Variants in ALG9 observed in about 807,000 individuals in gnomAD.
ALG9 encodes ALG9 alpha-1,2-mannosyltransferase, also known as alpha-1,2-mannosyltransferase ALG9.
A neutral mutation model predicts 81.8 loss-of-function variants in ALG9; 55 were observed. That is an observed-to-expected ratio of 0.67 (90% CI 0.54 to 0.84). The LOEUF (loss-of-function observed/expected upper bound fraction) is 0.84. ALG9 is among the 40% of genes least tolerant of loss of function. The probability of loss-of-function intolerance (pLI) is 0.00; values close to 1 mark genes in which losing one functional copy is unlikely to be tolerated. For synonymous variants in ALG9, 278 were observed against 274.3 expected (o/e 1.01, Z -0.13); for missense variants, 629 against 745.0 (o/e 0.84, Z 1.81).
intron 14 of ALG9, among the ~76,000 whole-genome samples, chr11:111,802,294 TA>T (rs1337172786): frequency 6.6e-6 from 1 of 152,240 alleles, no homozygotes; most frequent in African/African-American, 2.4e-5. Context: ...CCAAAAAGTA[TA>T]AATGATTGAA....
At chr11:111,810,301 G>A (rs1340101679) in intron 13 of ALG9, among the ~76,000 whole-genome samples, 16 of 152,250 alleles carry the variant, frequency 1.1e-4, no homozygotes, top group East Asian at 9.6e-4. Flanking sequence ...CTCCTGCAGC[G>A]AAAGTTTAGT....
At chr11:111,871,232 G>C (rs1165659183) in intron 1 of ALG9, 120 bp downstream of exon 1, 32 of 1,312,244 alleles carry the variant, frequency 2.4e-5, no homozygotes, top group South Asian at 4.5e-5. Flanking sequence ...GAGGGAGCTC[G>C]GGCCTCCCGC....
At chr11:111,805,086 ACACT>A in intron 14 of ALG9, 1 of 338,544 alleles carries the variant, frequency 3.0e-6, no homozygotes, top group South Asian at 2.3e-5. Context: ...TGAAGTCTAA[ACACT>A]CACCTATGTG....
intron 9 of ALG9, among the ~76,000 whole-genome samples, chr11:111,841,309 A>G (rs1555123568): frequency 6.6e-6 from 1 of 152,198 alleles, no homozygotes; most frequent in African/African-American, 2.4e-5. Context: ...GGATTCTCAA[A>G]TTCATTACTG....
At chr11:111,803,503 G>GA (rs57411573) in intron 14 of ALG9, among the ~76,000 whole-genome samples, 23 of 133,338 alleles carry the variant, frequency 1.7e-4, no homozygotes, top group Non-Finnish European at 2.2e-4. Context: ...TCCATCTCAG[G>GA]AAAAAAAAAA....
At chr11:111,773,525 G>A in the ALG9 span, among the ~76,000 whole-genome samples, 6 of 151,532 alleles carry the variant, frequency 4.0e-5, no homozygotes, top group South Asian at 4.2e-4. Context: ...GATTATGGGC[G>A]TCACAAGGGT....
chr11:111,795,984 A>G (rs1555075084), intron 14 of ALG9, among the ~76,000 whole-genome samples: 1 of 152,166 alleles, frequency 6.6e-6, no homozygotes, highest in Non-Finnish European at 1.5e-5. Flanking sequence ...AATGTTCGAG[A>G]GAGTTTTCGT....
At chr11:111,826,815 T>G (rs1555108966) in intron 13 of ALG9, among the ~76,000 whole-genome samples, 1 of 152,170 alleles carries the variant, frequency 6.6e-6, no homozygotes, top group Non-Finnish European at 1.5e-5. Context: ...TCTCATCTGT[T>G]TTCTCTTTCT....
At chr11:111,813,793 T>TA (rs1318645856) in intron 13 of ALG9, among the ~76,000 whole-genome samples, 1 of 151,686 alleles carries the variant, frequency 6.6e-6, no homozygotes, top group Non-Finnish European at 1.5e-5. Flanking sequence ...AAAACCACAA[T>TA]AAAAAAAATT....
In ALG9 at chr11:111,839,605, G is replaced by A. The variant is rs573983747; in HGVS notation, c.1173+1050C>T. Among the ~76,000 whole-genome samples the A allele has an allele frequency of 6.8e-3, 920 of 134,688 alleles. 24 individuals are homozygous for A. The highest frequency in any genetic ancestry group is 0.023 in the African/African-American group (860 of 37,206). 88.4% of individuals were successfully genotyped at this position (134,688 alleles called of 152,430 possible). On this transcript the variant is annotated intron_variant, in intron 10 of 14. Transcript: ENST00000616540. ...TTCCGTCTCAAAAAAAAAAAAAGGG[G>A]GGGGGGGATATAAAGTTACATGTAT...
chr11:111,797,220 TGAG>T (rs1948429130), intron 14 of ALG9, among the ~76,000 whole-genome samples: 1 of 152,162 alleles, frequency 6.6e-6, no homozygotes, highest in Non-Finnish European at 1.5e-5. Context: ...ACAAACAGAA[TGAG>T]GAGGAAGTGA....
At chr11:111,800,797 T>C (rs1555079858) in intron 14 of ALG9, among the ~76,000 whole-genome samples, 1 of 152,212 alleles carries the variant, frequency 6.6e-6, no homozygotes, top group Non-Finnish European at 1.5e-5. Flanking sequence ...TGTCTACCTA[T>C]GATTTATCAT....
In ALG9 at chr11:111,871,420, G is replaced by A. The variant is rs1555158958; in HGVS notation, c.63C>T (p.Ala21=). The change falls in exon 1 of 15, where the codon GCC becomes GCT. Residue 21 remains alanine (A), a synonymous_variant. Coordinates refer to ENST00000616540, the MANE Select transcript of ALG9 (RefSeq NM_024740.2). ...GCTCCCGCAGCTTGTCCGCAGCCGG[G>A]GCCGTATCCCCACTGCTGGCCCCGC... is the stretch of plus-strand genomic sequence containing the variant. ...KGSGASSGDT[A]PAADKLRELL... 9 of 1,536,058 alleles carry A rather than the reference G, an allele frequency of 5.9e-6. No homozygotes were observed. In the South Asian group the frequency reaches 1.1e-4, roughly 18 times the overall value.
At chr11:111,839,319 C>T (rs1167634927) in intron 10 of ALG9, among the ~76,000 whole-genome samples, 1 of 152,062 alleles carries the variant, frequency 6.6e-6, no homozygotes, top group African/African-American at 2.4e-5. Context: ...GGTGCGGTGG[C>T]TCACGCCTGT....
chr11:111,837,759 C>T (rs1955557837), intron 11 of ALG9, 144 bp from the exon 12 acceptor site: 2 of 932,984 alleles, frequency 2.1e-6, no homozygotes, highest in East Asian at 2.6e-5. Flanking sequence ...ATGAAGCCTG[C>T]TCTGCAGGTA....
chr11:111,808,851 T>A (rs1351946226), intron 14 of ALG9, among the ~76,000 whole-genome samples: 2 of 152,166 alleles, frequency 1.3e-5, no homozygotes, highest in Admixed American at 6.5e-5. Context: ...TACTCCCTTA[T>A]CTGAATGCCT....
chr11:111,837,808 G>T (rs1555119093), intron 11 of ALG9, among the ~76,000 whole-genome samples, 193 bp from the exon 12 acceptor site: 3 of 152,168 alleles, frequency 2.0e-5, no homozygotes, highest in African/African-American at 7.2e-5. Flanking sequence ...TTACAGCAGA[G>T]GCCCTATTCT....
At chr11:111,841,920 G>T (rs1199635127) in intron 9 of ALG9, among the ~76,000 whole-genome samples, 1 of 152,084 alleles carries the variant, frequency 6.6e-6, no homozygotes, top group Middle Eastern at 3.4e-3. Context: ...TTTCTGAGAC[G>T]GAGTCTCTCT....
At chr11:111,794,400 C>A (rs1947922542) in intron 14 of ALG9, among the ~76,000 whole-genome samples, 1 of 152,200 alleles carries the variant, frequency 6.6e-6, no homozygotes, top group South Asian at 2.1e-4. Context: ...CCTCCCTGAT[C>A]TGTCTCCAGA....
Sources: gnomAD v4.1 joint callset for allele counts (sites outside exome capture counted in the v4.1 genomes callset) on GRCh38, gnomAD v4.1.1 for gene constraint, MANE v1.5 for transcripts, NCBI Gene and HGNC (gene_info 2026-07-23, HGNC 2026-07-21) for gene names.